Variants in MECOM observed in about 807,000 individuals in gnomAD.
The protein encoded by MECOM is MDS1 and EVI1 complex locus, also known as histone-lysine N-methyltransferase MECOM.
Under a neutral mutation model 116.3 loss-of-function variants are expected in MECOM, and 13 were observed. The observed-to-expected ratio is 0.11, with a 90% CI of 0.07 to 0.18. The LOEUF is 0.18. Ranked by LOEUF, MECOM falls within the 10% of genes least tolerant of loss-of-function variation. The pLI is 1.00. For synonymous variants in MECOM, 528 were observed against 535.2 expected (o/e 0.99, Z 0.19); for missense variants, 1,299 against 1,509.0 (o/e 0.86, Z 2.31).
chr3:169,146,155 G>A, intron 2 of MECOM: 3 of 962,768 alleles, frequency 3.1e-6, no homozygotes, highest in Admixed American at 4.6e-5. Context: ...AAAAAAAACC[G>A]TTTAGGTAGA....
chr3:169,369,236 C>T (rs1560184407), intron 2 of MECOM, among the ~76,000 whole-genome samples: 2 of 151,470 alleles, frequency 1.3e-5, no homozygotes, highest in Admixed American at 6.6e-5. Context: ...GGAAAGGGGA[C>T]AGCTGACCTT....
In MECOM at chr3:169,472,613, G is replaced by GAAAGAAAAGAAAAGAAAAGAAAAGA. The variant is rs772494863; in HGVS notation, c.38-91090_38-91089insTCTTTTCTTTTCTTTTCTTTTCTTT. ...GAAAGGAAAGGAAAGGAAAGGAAAG[G>GAAAGAAAAGAAAAGAAAAGAAAAGA]AAAGAAAAGAAAAGAAAAGAAAAGG... is the stretch of plus-strand genomic sequence containing the variant. On this transcript the variant is annotated intron_variant, in intron 1 of 16. Transcript: ENST00000651503. 8.3e-5 allele frequency among the ~76,000 whole-genome samples: 4 copies of GAAAGAAAAGAAAAGAAAAGAAAAGA among 47,950 alleles called. 1 individual carries two copies. Among genetic ancestry groups the GAAAGAAAAGAAAAGAAAAGAAAAGA allele is most frequent in the Admixed American group, 5.1e-4 (2 of 3,914 alleles). 31.5% of individuals were successfully genotyped at this position (47,950 alleles called of 152,430 possible).
chr3:169,348,418 A>G (rs975129336), intron 2 of MECOM, among the ~76,000 whole-genome samples: 1 of 151,948 alleles, frequency 6.6e-6, no homozygotes, highest in African/African-American at 2.4e-5. Context: ...CTTATGGGAA[A>G]TTTGGGGAAT....
chr3:169,192,214 T>C (rs532881103), intron 2 of MECOM, among the ~76,000 whole-genome samples: 1 of 152,192 alleles, frequency 6.6e-6, no homozygotes, highest in African/African-American at 2.4e-5. Context: ...TTTATTTCTG[T>C]TGAAGATTTT....
At chr3:169,447,720 C>A (rs953339396) in intron 1 of MECOM, 8 of 152,354 alleles carry the variant, frequency 5.3e-5, no homozygotes, top group Admixed American at 3.3e-4. Flanking sequence ...GAAAAACCAT[C>A]TCCACCTGGA....
intron 1 of MECOM, among the ~76,000 whole-genome samples, chr3:169,524,700 G>T (rs1757767745): frequency 6.6e-6 from 1 of 152,198 alleles, no homozygotes; most frequent in African/African-American, 2.4e-5. Context: ...AAGTGGTGGA[G>T]TAATTGCTCA....
intron 2 of MECOM, among the ~76,000 whole-genome samples, chr3:169,186,448 T>C (rs1746785384): frequency 6.7e-6 from 1 of 149,336 alleles, no homozygotes; most frequent in Admixed American, 6.7e-5. Flanking sequence ...CATTTCAGCA[T>C]TGCCATTAAC....
intron 2 of MECOM, among the ~76,000 whole-genome samples, chr3:169,160,039 G>A (rs1033464228): frequency 6.6e-6 from 1 of 151,972 alleles, no homozygotes; most frequent in African/African-American, 2.4e-5. Flanking sequence ...TGCCCTCTGT[G>A]GTTTTTTTTG....
At chr3:169,525,848 G>A (rs1757906502) in intron 1 of MECOM, among the ~76,000 whole-genome samples, 1 of 152,102 alleles carries the variant, frequency 6.6e-6, no homozygotes, top group South Asian at 2.1e-4. Flanking sequence ...GGCCAACATG[G>A]CAAAACCCCA....
intron 2 of MECOM, among the ~76,000 whole-genome samples, chr3:169,171,694 T>C (rs1430195515): frequency 6.6e-6 from 1 of 152,070 alleles, no homozygotes; most frequent in Admixed American, 6.6e-5. Flanking sequence ...AAGGCAATGA[T>C]GAAAATATAT....
chr3:169,581,674 G>T (rs1765140540), intron 1 of MECOM, among the ~76,000 whole-genome samples: 1 of 152,120 alleles, frequency 6.6e-6, no homozygotes, highest in Admixed American at 6.5e-5. Flanking sequence ...GGGAGCTGGA[G>T]GTGCTTAGCT....
intron 1 of MECOM, among the ~76,000 whole-genome samples, chr3:169,453,114 C>G (rs1457971477): frequency 6.6e-6 from 1 of 152,112 alleles, no homozygotes; most frequent in Admixed American, 6.6e-5. Flanking sequence ...TCACAGAGAG[C>G]CCTCAATATA....
rs1040186930 is a variant in MECOM, at chr3:169,113,536, A to C, written c.2490-662T>G. 1.8e-4 allele frequency among the ~76,000 whole-genome samples: 28 copies of C among 152,042 alleles called. No homozygotes were observed. In the Middle Eastern group the frequency reaches 0.014, roughly 74 times the overall value. The stretch of plus-strand genomic sequence containing the variant: ...AGGCAGATAGAATGGGTGTGGTGAG[A>C]AGAGAATGGGGAGCTTTCTGAAGAT... On this transcript the variant is annotated intron_variant, in intron 8 of 16. Coordinates refer to ENST00000651503, the MANE Select transcript of MECOM (RefSeq NM_004991.4).
intron 2 of MECOM, among the ~76,000 whole-genome samples, chr3:169,205,825 G>T (rs187723647): frequency 1.3e-5 from 2 of 152,142 alleles, no homozygotes; most frequent in Non-Finnish European, 2.9e-5. Context: ...TGGTGTCCTG[G>T]GGGCCAAATT....
At chr3:169,594,907 A>G (rs1577039112) in intron 1 of MECOM, among the ~76,000 whole-genome samples, 1 of 143,316 alleles carries the variant, frequency 7.0e-6, no homozygotes, top group East Asian at 2.1e-4. Flanking sequence ...AAAAAACTGG[A>G]TCTATATTCT....
chr3:169,483,785 C>A (rs1467591862), intron 1 of MECOM: 6 of 1,611,248 alleles, frequency 3.7e-6, no homozygotes, highest in East Asian at 2.2e-5. Flanking sequence ...TATTCTTCTT[C>A]AAATATTTTT....
At position 169,089,185 on chromosome 3, in the gene MECOM, TA is replaced by T; in HGVS notation, c.3402-3del. The T allele has an allele frequency of 6.7e-7, 1 of 1,495,266 alleles. No homozygotes were observed. Among genetic ancestry groups the T allele is most frequent in the Non-Finnish European group, 8.9e-7 (1 of 1,124,162 alleles). The allele number at this position is 1,495,266 out of a possible 1,614,324, so 92.6% of individuals were successfully genotyped here. On this transcript the variant is annotated splice_polypyrimidine_tract_variant and splice_region_variant and intron_variant, in intron 15 of 16. Transcript: ENST00000651503. ...CTTTTATATTCTTCCTCTTTATACC[TA>T]AAATGAACCAACGAAAAACACAGAA...
At position 169,158,887 on chromosome 3, in the gene MECOM, A is replaced by G. The variant is rs1742404543; in HGVS notation, c.376-15055T>C. On this transcript the variant is annotated intron_variant, in intron 2 of 16. Coordinates refer to ENST00000651503, the MANE Select transcript of MECOM (RefSeq NM_004991.4). ...ACTTCTCTAATTATTCTCGCCCCCA[A>G]AATTTTTTGTGTGTGGTCCAGGTGA... 5.3e-5 allele frequency among the ~76,000 whole-genome samples: 8 copies of G among 152,232 alleles called. No homozygotes were observed. The South Asian group carries it at 1.5e-3, about 28-fold the overall frequency.
intron 2 of MECOM, among the ~76,000 whole-genome samples, chr3:169,358,619 T>C (rs893591293): frequency 6.6e-6 from 1 of 151,428 alleles, no homozygotes; most frequent in Non-Finnish European, 1.5e-5. Context: ...GACAAAAAGA[T>C]AACTGTCCCA....
Sources: gnomAD v4.1 joint callset for allele counts (sites outside exome capture counted in the v4.1 genomes callset) on GRCh38, gnomAD v4.1.1 for gene constraint, MANE v1.5 for transcripts, NCBI Gene and HGNC (gene_info 2026-07-23, HGNC 2026-07-21) for gene names.